TAB1: variants seen among roughly 807,000 people sequenced by gnomAD.
The protein encoded by TAB1 is TGF-beta activated kinase 1 (MAP3K7) binding protein 1, also known as TGF-beta-activated kinase 1 and MAP3K7-binding protein 1.
In TAB1, 30 loss-of-function variants were observed where a neutral mutation model predicts 54.5. The ratio of observed to expected loss-of-function variants is 0.55; its 90% CI spans 0.41 to 0.75. The LOEUF (loss-of-function observed/expected upper bound fraction) is 0.75. Among genes scored for constraint, TAB1 ranks in the 30% least tolerant of loss-of-function variants. The pLI is 0.00. For synonymous variants in TAB1, 289 were observed against 286.9 expected (o/e 1.01, Z -0.07); for missense variants, 609 against 683.2 (o/e 0.89, Z 1.21).
At chr22:39,427,907 A>AC (rs961644260) in intron 9 of TAB1, 114 bp from the exon 10 acceptor site, 37 of 1,069,420 alleles carry the variant, frequency 3.5e-5, no homozygotes, top group Non-Finnish European at 4.7e-5. Flanking sequence ...CATGGCCGCC[A>AC]CCCACACTCA....
chr22:39,425,066 G>A (rs1053674476), intron 8 of TAB1, among the ~76,000 whole-genome samples: 2 of 152,106 alleles, frequency 1.3e-5, no homozygotes, highest in Non-Finnish European at 2.9e-5. Flanking sequence ...TGTCAAAACA[G>A]TACTCAATAA....
Position 39,419,606 on chromosome 22 carries a change from G to A in TAB1, c.752G>A (p.Gly251Asp), listed in dbSNP as rs563753466. 3.1e-6 allele frequency: 5 copies of A among 1,611,936 alleles called. No homozygotes were observed. In the South Asian group the frequency reaches 5.5e-5, roughly 18 times the overall value. Residue 251 changes from glycine to aspartate, a missense_variant, in exon 7 of 11, where the codon GGC becomes GAC. Gly to Asp is a moderately conservative substitution (Grantham distance 94, BLOSUM62 -1). Coordinates refer to ENST00000216160, the MANE Select transcript of TAB1 (RefSeq NM_006116.3). ...ATCGGGGATTACAAGGTTAAATATG[G>A]CTACACGGACATTGACCTTCTCAGG... ...RRIGDYKVKY[G>D]YTDIDLLSAA... is the part of the protein sequence containing the mutation.
chr22:39,418,673 G>T, intron 5 of TAB1, 59 bp from the exon 6 acceptor site: 1 of 1,289,476 alleles, frequency 7.8e-7, no homozygotes, highest in South Asian at 1.2e-5. Context: ...CTGCCTTCCC[G>T]GTATGCCCTA....
chr22:39,426,439 C>T (rs1041437173), intron 8 of TAB1, among the ~76,000 whole-genome samples: 1 of 151,124 alleles, frequency 6.6e-6, no homozygotes, highest in Non-Finnish European at 1.5e-5. Flanking sequence ...TTCACCCAGT[C>T]AAATGGATGT....
intron 10 of TAB1, among the ~76,000 whole-genome samples, chr22:39,428,478 G>A (rs1474424245): frequency 6.6e-6 from 1 of 152,248 alleles, no homozygotes; most frequent in Non-Finnish European, 1.5e-5. Context: ...GATGTGGGGT[G>A]GCTTCCTGTG....
At chr22:39,435,905 C>T (rs751177747), downstream of TAB1, among the ~76,000 whole-genome samples, 4 of 152,208 alleles carry the variant, frequency 2.6e-5, no homozygotes, top group Non-Finnish European at 2.9e-5. Context: ...CTCCCGGGTG[C>T]CCCTGGGCGA....
At chr22:39,427,936 A>G (rs1027593899) in intron 9 of TAB1, 85 bp from the exon 10 acceptor site, 1 of 1,350,744 alleles carries the variant, frequency 7.4e-7, no homozygotes, top group Admixed American at 2.2e-5. Flanking sequence ...GCACCACCCC[A>G]TCAGGCCATG....
intron 10 of TAB1, chr22:39,429,077 A>G: frequency 1.0e-6 from 1 of 985,342 alleles, no homozygotes; most frequent in Non-Finnish European, 1.2e-6. Context: ...GGCCCTAGAC[A>G]AGGCAGGACA....
chr22:39,403,773 G>A (rs981790886), intron 1 of TAB1, among the ~76,000 whole-genome samples: 1 of 151,730 alleles, frequency 6.6e-6, no homozygotes, highest in Non-Finnish European at 1.5e-5. Context: ...CAAGTAGCTG[G>A]GACTACAGGC....
At chr22:39,424,986 A>G (rs950409839) in intron 8 of TAB1, among the ~76,000 whole-genome samples, 8 of 152,082 alleles carry the variant, frequency 5.3e-5, no homozygotes, top group African/African-American at 1.9e-4. Context: ...AAACTTTATG[A>G]TGGTGAGAAA....
intron 1 of TAB1, among the ~76,000 whole-genome samples, chr22:39,414,002 A>G (rs545602481): frequency 1.3e-5 from 2 of 152,310 alleles, no homozygotes; most frequent in South Asian, 4.1e-4. Context: ...GGATGGGGCC[A>G]GGGCCTGGAC....
In TAB1 at chr22:39,401,003, C is replaced by T. The variant is rs968363945; in HGVS notation, c.33+1168C>T. Among the ~76,000 whole-genome samples the T allele has an allele frequency of 5.8e-4, 82 of 142,046 alleles. 1 individual carries two copies. The highest frequency in any genetic ancestry group is 4.9e-3 in the Admixed American group (66 of 13,468). The allele number at this position is 142,046 out of a possible 152,430, so 93.2% of individuals were successfully genotyped here. On this transcript the variant is annotated intron_variant, in intron 1 of 10. Transcript: ENST00000216160. ...GAGCCAAGATCGGGCCACTGCACTC[C>T]AGCCTGGAGCGACAGAGCGAGACTG...
intron 1 of TAB1, among the ~76,000 whole-genome samples, chr22:39,405,533 C>T (rs1926323747): frequency 6.6e-6 from 1 of 152,198 alleles, no homozygotes; most frequent in Non-Finnish European, 1.5e-5. Context: ...CTCTTGCTCC[C>T]TGCGCTCCAG....
downstream of TAB1, chr22:39,436,688 C>A: frequency 1.2e-6 from 1 of 817,230 alleles, no homozygotes; most frequent in Non-Finnish European, 2.0e-6. Context: ...CCGCCCCCTC[C>A]CCGGGACTGG....
downstream of TAB1, among the ~76,000 whole-genome samples, chr22:39,434,130 G>A (rs1927695243): frequency 2.0e-5 from 3 of 152,242 alleles, no homozygotes; most frequent in South Asian, 4.1e-4. Context: ...ATGAGGCGAC[G>A]ACCCACTTAG....
chr22:39,407,608 C>T (rs760006733), intron 1 of TAB1, among the ~76,000 whole-genome samples: 18 of 152,006 alleles, frequency 1.2e-4, no homozygotes, highest in East Asian at 3.9e-4. Flanking sequence ...CTCAGCTTCC[C>T]GATAGTAGAT....
Position 39,415,726 on chromosome 22 carries a change from T to TA in TAB1, c.324+74dup. The TA allele has an allele frequency of 6.5e-7, 1 of 1,536,670 alleles. No homozygotes were observed. Among genetic ancestry groups the TA allele is most frequent in the Non-Finnish European group, 8.8e-7 (1 of 1,139,824 alleles). On this transcript the variant is annotated intron_variant, in intron 3 of 10. Transcript: ENST00000216160. The surrounding 1 kb of genome is among the most constrained non-coding windows in gnomAD (Gnocchi z 4.9). ...CCCCAAGGCTTGGGCCCTGCACCTC[T>TA]AGCATGTTGCCAGGGTTGGTGTGAA...
intron 5 of TAB1, 126 bp downstream of exon 5, chr22:39,417,975 G>A (rs1022243510): frequency 2.6e-5 from 32 of 1,229,320 alleles, no homozygotes; most frequent in African/African-American, 2.0e-4. Context: ...TCCTGAGACC[G>A]TTGGGTATGT....
chr22:39,405,885 G>A, intron 1 of TAB1, among the ~76,000 whole-genome samples: 1 of 152,186 alleles, frequency 6.6e-6, no homozygotes, highest in East Asian at 1.9e-4. Context: ...ACCTCCTGAG[G>A]TTCTCCGGCC....
Sources: gnomAD v4.1 joint callset for allele counts (sites outside exome capture counted in the v4.1 genomes callset) on GRCh38, gnomAD v4.1.1 for gene constraint, Gnocchi (gnomAD v3.1) non-coding constraint, MANE v1.5 for transcripts, NCBI Gene and HGNC (gene_info 2026-07-23, HGNC 2026-07-21) for gene names.